Variants in ELOVL5 observed in about 807,000 individuals in gnomAD.
The protein encoded by ELOVL5 is ELOVL fatty acid elongase 5, also known as very long chain fatty acid elongase 5.
In ELOVL5, 8 loss-of-function variants were observed where a neutral mutation model predicts 38.6. That is an observed-to-expected ratio of 0.21 (90% CI 0.12 to 0.37). ELOVL5 has a LOEUF of 0.37. ELOVL5 is among the 10% of genes least tolerant of loss of function. The pLI is 1.00. For missense variants in ELOVL5, 280 were observed against 367.8 expected (o/e 0.76, Z 1.95); for synonymous variants, 127 against 133.7 (o/e 0.95, Z 0.34).
At chr6:53,311,362 C>T (rs1433068084) in intron 1 of ELOVL5, among the ~76,000 whole-genome samples, 1 of 152,176 alleles carries the variant, frequency 6.6e-6, no homozygotes, top group Non-Finnish European at 1.5e-5. Context: ...AAGTGAAATA[C>T]TCAGGCGCTT....
At chr6:53,272,681 G>A (rs1477287530) in intron 6 of ELOVL5, among the ~76,000 whole-genome samples, 1 of 152,140 alleles carries the variant, frequency 6.6e-6, no homozygotes, top group Non-Finnish European at 1.5e-5. Flanking sequence ...CCTGGCCCTG[G>A]CAGTAAACCA....
chr6:53,305,064 C>A (rs571615286), intron 1 of ELOVL5, among the ~76,000 whole-genome samples: 2 of 150,360 alleles, frequency 1.3e-5, no homozygotes, highest in Non-Finnish European at 3.0e-5. Context: ...GCTGACCCCC[C>A]CCACCTCCCT....
intron 1 of ELOVL5, among the ~76,000 whole-genome samples, chr6:53,302,616 A>C (rs1327988037): frequency 6.6e-6 from 1 of 150,864 alleles, no homozygotes; most frequent in Non-Finnish European, 1.5e-5. Flanking sequence ...AATCTGTTTT[A>C]AAAGGTATCA....
At chr6:53,304,086 T>C (rs1355897172) in intron 1 of ELOVL5, among the ~76,000 whole-genome samples, 2 of 152,232 alleles carry the variant, frequency 1.3e-5, no homozygotes, top group African/African-American at 4.8e-5. Context: ...TGCAACTCCT[T>C]AGAGTCCAAA....
At position 53,270,653 on chromosome 6, in the gene ELOVL5, C is replaced by T. The variant is rs756735815; in HGVS notation, c.696G>A (p.Leu232=). The change falls in exon 7 of 8, where the codon TTG becomes TTA. Residue 232 remains leucine, a synonymous_variant. Transcript: ENST00000304434. ...IWPCTFPLGW[L]YFQIGYMISL... ...AAATCATGTATCCAATCTGGAAATA[C>T]AACCAACCAAGAGGGAATGTGCACG... is the stretch of plus-strand genomic sequence containing the variant. 1 of 1,614,120 alleles carries T rather than the reference C, an allele frequency of 6.2e-7. No homozygotes were observed. Among genetic ancestry groups the T allele is most frequent in the Non-Finnish European group, 8.5e-7 (1 of 1,180,004 alleles).
intron 2 of ELOVL5, among the ~76,000 whole-genome samples, chr6:53,294,902 C>A (rs1766930965): frequency 6.6e-6 from 1 of 152,204 alleles, no homozygotes. Flanking sequence ...TTAATTCCAA[C>A]AGAAGGCAAA....
chr6:53,348,293 A>G (rs911789257), intron 1 of ELOVL5, among the ~76,000 whole-genome samples: 4 of 152,084 alleles, frequency 2.6e-5, no homozygotes, highest in African/African-American at 9.7e-5. Context: ...AAGGCCGGAG[A>G]GTCCCCCCAG....
chr6:53,346,392 G>C (rs1447690368), intron 1 of ELOVL5, among the ~76,000 whole-genome samples: 1 of 152,106 alleles, frequency 6.6e-6, no homozygotes, highest in Non-Finnish European at 1.5e-5. Context: ...TGTCTTCATA[G>C]TGCTCCTCAA....
At chr6:53,290,719 T>C (rs1561869981) in intron 3 of ELOVL5, among the ~76,000 whole-genome samples, 1 of 152,014 alleles carries the variant, frequency 6.6e-6, no homozygotes, top group Non-Finnish European at 1.5e-5. Flanking sequence ...GATAATCAAA[T>C]ATGCCTGCAC....
chr6:53,331,451 T>C (rs1768799001), intron 1 of ELOVL5, among the ~76,000 whole-genome samples: 1 of 152,248 alleles, frequency 6.6e-6, no homozygotes, highest in Non-Finnish European at 1.5e-5. Flanking sequence ...GTGATACTTT[T>C]ATAGAATTAG....
rs567749796 is a variant in ELOVL5 at position 53,306,077 on chromosome 6, G to A, written c.-8-10370C>T. Among the ~76,000 whole-genome samples the A allele has an allele frequency of 2.8e-3, 418 of 151,190 alleles. 5 individuals are homozygous for A. Among genetic ancestry groups the A allele is most frequent in the African/African-American group, 9.5e-3 (393 of 41,196 alleles). ...AAACCAGTCAGGCGTGGCGGCGCGC[G>A]CCTGCAATTGCAGGCACTCGGCAGG... On this transcript the variant is annotated intron_variant, in intron 1 of 7. Coordinates refer to ENST00000304434, the MANE Select transcript of ELOVL5 (RefSeq NM_021814.5).
intron 1 of ELOVL5, among the ~76,000 whole-genome samples, chr6:53,319,196 G>A (rs1009009227): frequency 3.4e-5 from 5 of 147,160 alleles, no homozygotes; most frequent in Admixed American, 2.8e-4. Flanking sequence ...GCGTGAACCC[G>A]GTAGGCGGAG....
chr6:53,292,731 C>T (rs1314343525), intron 2 of ELOVL5, among the ~76,000 whole-genome samples: 3 of 152,176 alleles, frequency 2.0e-5, no homozygotes. Context: ...GAAGAGGCTG[C>T]AGTGAGCTGA....
At chr6:53,307,253 G>A (rs1304396130) in intron 1 of ELOVL5, among the ~76,000 whole-genome samples, 1 of 152,196 alleles carries the variant, frequency 6.6e-6, no homozygotes, top group Non-Finnish European at 1.5e-5. Context: ...ACCACTTTTG[G>A]GTGGTAGTGG....
At chr6:53,307,437 G>C (rs1474254712) in intron 1 of ELOVL5, among the ~76,000 whole-genome samples, 1 of 152,178 alleles carries the variant, frequency 6.6e-6, no homozygotes, top group Non-Finnish European at 1.5e-5. Context: ...TAAGATATGT[G>C]AAATGCTTAG....
chr6:53,277,742 T>TC (rs1363390019), intron 3 of ELOVL5: 4 of 152,330 alleles, frequency 2.6e-5, no homozygotes, highest in African/African-American at 9.6e-5. Context: ...TGATCAGAAG[T>TC]CCTAAGAAGC....
At chr6:53,334,782 C>T (rs943016540) in intron 1 of ELOVL5, among the ~76,000 whole-genome samples, 2 of 152,150 alleles carry the variant, frequency 1.3e-5, no homozygotes, top group African/African-American at 4.8e-5. Flanking sequence ...CCAACTCCCT[C>T]ATTTCTGTGA....
chr6:53,336,033 T>C (rs1347604882), intron 1 of ELOVL5, among the ~76,000 whole-genome samples: 1 of 152,210 alleles, frequency 6.6e-6, no homozygotes, highest in African/African-American at 2.4e-5. Context: ...GGGATACCAT[T>C]ATTCAAACCA....
intron 1 of ELOVL5, among the ~76,000 whole-genome samples, chr6:53,330,332 T>C (rs1192901013): frequency 6.6e-6 from 1 of 152,100 alleles, no homozygotes; most frequent in Non-Finnish European, 1.5e-5. Context: ...TAGACGTTGC[T>C]CTGGATGAGT....
Sources: allele counts gnomAD v4.1 joint callset (sites outside exome capture counted in the v4.1 genomes callset), GRCh38; gene constraint gnomAD v4.1.1; transcripts MANE v1.5; gene names NCBI Gene and HGNC (gene_info 2026-07-23, HGNC 2026-07-21).